The following CHST9 variants were observed in gnomAD, a reference collection of about 807,000 sequenced individuals.
The protein encoded by CHST9 is GalNAc-4-sulfotransferase 2.
A neutral mutation model predicts 44.4 loss-of-function variants in CHST9; 41 were observed. That is an observed-to-expected ratio of 0.92 (90% CI 0.72 to 1.20). CHST9 has a LOEUF of 1.20. CHST9 is among the 50% of genes most tolerant of loss of function. CHST9 has a pLI of 0.00. For missense variants in CHST9, 504 were observed against 516.5 expected (o/e 0.98, Z 0.23); for synonymous variants, 171 against 178.4 (o/e 0.96, Z 0.33).
intron 1 of CHST9, among the ~76,000 whole-genome samples, chr18:27,158,670 G>T (rs1333014168): frequency 7.2e-5 from 11 of 152,092 alleles, no homozygotes; most frequent in African/African-American, 2.2e-4. Context: ...GATCCCTGAG[G>T]AATCGCCACA....
chr18:27,110,369 G>C (rs1381600335), intron 2 of CHST9, among the ~76,000 whole-genome samples: 1 of 151,734 alleles, frequency 6.6e-6, no homozygotes, highest in African/African-American at 2.4e-5. Flanking sequence ...TATTAATCAG[G>C]GTACTTTATA....
rs2055515992 is a variant in CHST9, at chr18:26,916,166, A to G, written c.*93T>C. Reference sequence around the variant, plus strand: ...AAATCAAGACAACTGCACTTGGTTAAATTTCTGTCATACAGAGAATTATAG... The same window carrying G: ...AAATCAAGACAACTGCACTTGGTTAGATTTCTGTCATACAGAGAATTATAG... On this transcript the variant is annotated 3_prime_UTR_variant, in exon 6 of 6. Coordinates refer to ENST00000618847, the MANE Select transcript of CHST9 (RefSeq NM_031422.6). 9.4e-7 allele frequency: 1 copy of G among 1,058,506 alleles called. No individual in the cohort carries two copies. Among genetic ancestry groups the G allele is most frequent in the East Asian group, 2.4e-5 (1 of 41,340 alleles). The allele number at this position is 1,058,506 out of a possible 1,614,324, so 65.6% of individuals were successfully genotyped here. A position where few individuals can be genotyped will look rare whatever the true frequency, so the allele number is the denominator to read the frequency against.
intron 1 of CHST9, chr18:27,147,852 A>C (rs1394701675): frequency 6.9e-6 from 1 of 145,706 alleles, no homozygotes; most frequent in Non-Finnish European, 1.5e-5. Flanking sequence ...ATTCAATACT[A>C]TACTATTTCT....
At chr18:27,084,238 A>G (rs1355530865) in intron 2 of CHST9, among the ~76,000 whole-genome samples, 1 of 151,888 alleles carries the variant, frequency 6.6e-6, no homozygotes, top group African/African-American at 2.4e-5. Context: ...TCTTCTTTAT[A>G]TATCTGGTAG....
At chr18:27,139,617 TAC>T (rs755234981) in intron 2 of CHST9, among the ~76,000 whole-genome samples, 1 of 152,070 alleles carries the variant, frequency 6.6e-6, no homozygotes, top group African/African-American at 2.4e-5. Context: ...TAAAGAATAT[TAC>T]AGTTTTTCGT....
intron 4 of CHST9, among the ~76,000 whole-genome samples, chr18:26,987,478 G>A (rs913345372): frequency 6.6e-6 from 1 of 152,072 alleles, no homozygotes; most frequent in East Asian, 1.9e-4. Context: ...ACCGAAAAAA[G>A]TTGTTTAAAC....
At chr18:27,120,932 T>C (rs1598738439) in intron 2 of CHST9, among the ~76,000 whole-genome samples, 1 of 152,290 alleles carries the variant, frequency 6.6e-6, no homozygotes, top group South Asian at 2.1e-4. Flanking sequence ...CTTTAAGAGA[T>C]GAGCAATTCT....
At chr18:26,985,834 T>C (rs562314528) in intron 4 of CHST9, among the ~76,000 whole-genome samples, 1 of 152,160 alleles carries the variant, frequency 6.6e-6, no homozygotes. Context: ...AAAGTTACAA[T>C]TTTTAGGGCA....
At chr18:27,144,085 C>T (rs905410088) in intron 1 of CHST9, among the ~76,000 whole-genome samples, 3 of 152,194 alleles carry the variant, frequency 2.0e-5, no homozygotes, top group Non-Finnish European at 4.4e-5. Flanking sequence ...CTAATGGGGC[C>T]AAGGTCACGG....
At chr18:27,113,652 T>A (rs2058294492) in intron 2 of CHST9, among the ~76,000 whole-genome samples, 1 of 152,150 alleles carries the variant, frequency 6.6e-6, no homozygotes, top group Non-Finnish European at 1.5e-5. Flanking sequence ...AGGTGCCATC[T>A]CTGAGCTAGA....
intron 4 of CHST9, among the ~76,000 whole-genome samples, chr18:26,949,453 G>A (rs149569714): frequency 1.0e-3 from 152 of 152,156 alleles, no homozygotes; most frequent in African/African-American, 3.5e-3. Context: ...ACTGAGGTGG[G>A]AGGATTGCTT....
chr18:26,939,343 G>C (rs757960091), intron 5 of CHST9, among the ~76,000 whole-genome samples: 2 of 152,192 alleles, frequency 1.3e-5, no homozygotes, highest in Non-Finnish European at 2.9e-5. Flanking sequence ...AGAACCAACA[G>C]TTTTATATAA....
chr18:26,927,403 C>T (rs142458391), intron 5 of CHST9, among the ~76,000 whole-genome samples: 2 of 152,082 alleles, frequency 1.3e-5, no homozygotes, highest in Non-Finnish European at 2.9e-5. Context: ...CCAGGGGATC[C>T]GCGCTCAGCA....
At chr18:27,114,662 G>T (rs1428118304) in intron 2 of CHST9, among the ~76,000 whole-genome samples, 1 of 152,054 alleles carries the variant, frequency 6.6e-6, no homozygotes, top group Non-Finnish European at 1.5e-5. Context: ...TGTCTCTATG[G>T]GTTTGCCTAT....
At chr18:27,114,715 T>C (rs145149200) in intron 2 of CHST9, among the ~76,000 whole-genome samples, 20 of 152,366 alleles carry the variant, frequency 1.3e-4, no homozygotes, top group South Asian at 6.2e-4. Context: ...TGACCTTTTA[T>C]GTCTGGCTTC....
At chr18:27,164,941 A>G (rs1001759492) in intron 1 of CHST9, among the ~76,000 whole-genome samples, 1 of 152,242 alleles carries the variant, frequency 6.6e-6, no homozygotes. Context: ...CAAGTTCTCA[A>G]AATATCTACC....
intron 1 of CHST9, among the ~76,000 whole-genome samples, chr18:27,151,602 A>C (rs1302597373): frequency 6.6e-6 from 1 of 152,198 alleles, no homozygotes; most frequent in African/African-American, 2.4e-5. Flanking sequence ...GGTGGACCCC[A>C]TGTAATCACA....
chr18:27,058,461 A>T (rs899003258), intron 2 of CHST9, among the ~76,000 whole-genome samples: 9 of 152,168 alleles, frequency 5.9e-5, no homozygotes, highest in African/African-American at 2.2e-4. Flanking sequence ...TTGCTTACCC[A>T]GTCGGATACA....
At chr18:26,934,618 C>G (rs1280431060) in intron 5 of CHST9, 1 of 152,114 alleles carries the variant, frequency 6.6e-6, no homozygotes, top group Non-Finnish European at 1.5e-5. Context: ...GGAGGAAACC[C>G]GAAGATCCTG....
Sources: allele counts gnomAD v4.1 joint callset (sites outside exome capture counted in the v4.1 genomes callset), GRCh38; gene constraint gnomAD v4.1.1; transcripts MANE v1.5; gene names NCBI Gene and HGNC (gene_info 2026-07-23, HGNC 2026-07-21).